The following PKHD1 variants were observed in gnomAD, a reference collection of about 807,000 sequenced individuals.
PKHD1 encodes PKHD1 ciliary IPT domain containing fibrocystin/polyductin.
Under a neutral mutation model 412.0 loss-of-function variants are expected in PKHD1, and 291 were observed. The observed-to-expected ratio is 0.71, with a 90% CI of 0.64 to 0.78. The LOEUF is 0.78. Among genes scored for constraint, PKHD1 ranks in the 30% least tolerant of loss-of-function variants. The pLI is 0.00. For synonymous variants in PKHD1, 1,777 were observed against 1,821.5 expected, an observed-to-expected ratio of 0.98 and a Z score of 0.62; for missense variants, 4,825 against 4,950.7, an observed-to-expected ratio of 0.97 and a Z score of 0.76.
chr6:52,022,979 A>G, intron 32 of PKHD1, 35 bp from the exon 33 acceptor site: 1 of 1,612,944 alleles, frequency 6.2e-7, no homozygotes, highest in Non-Finnish European at 8.5e-7. Context: ...TTGATCATAC[A>G]GGCAAATCTC....
rs1775349664 is a variant in PKHD1, at chr6:51,867,950, G to C, written c.7646C>G (p.Ser2549Cys). 6.2e-7 allele frequency: 1 copy of C among 1,613,244 alleles called. No homozygotes were observed. Among genetic ancestry groups the C allele is most frequent in the African/African-American group, 1.3e-5 (1 of 74,892 alleles). ...ACCAAAGCTTGAATTGACCAAACAA[G>C]AAGCTGAAAGGGTTTCCATAGAAGC... ...ILASMETLSA[S>C]CLVNSSFGRV... Residue 2549 changes from serine to cysteine, a missense_variant, in exon 48 of 67, where the codon TCT becomes TGT. Transcript: ENST00000371117.
At chr6:51,912,257 A>T in intron 38 of PKHD1, 109 bp downstream of exon 38, 1 of 794,498 alleles carries the variant, frequency 1.3e-6, no homozygotes, top group Non-Finnish European at 2.2e-6. Context: ...ACCATTATTT[A>T]AGCAGAAGAA....
At chr6:51,757,106 G>T (rs1056233991) in intron 55 of PKHD1, among the ~76,000 whole-genome samples, 5 of 152,176 alleles carry the variant, frequency 3.3e-5, no homozygotes, top group Non-Finnish European at 7.4e-5. Flanking sequence ...TGTGCGTCCT[G>T]GTTCCCGATA....
intron 11 of PKHD1, among the ~76,000 whole-genome samples, chr6:52,068,568 T>A: frequency 6.6e-6 from 1 of 152,242 alleles, no homozygotes; most frequent in East Asian, 1.9e-4. Context: ...TTTATCTGAG[T>A]CTGTTTCCTT....
intron 37 of PKHD1, among the ~76,000 whole-genome samples, chr6:51,916,280 A>G (rs1178543348): frequency 6.6e-6 from 1 of 152,204 alleles, no homozygotes; most frequent in Admixed American, 6.5e-5. Flanking sequence ...TGAGTATATA[A>G]TATTCAATAT....
chr6:51,903,406 T>C (rs1288733997), intron 43 of PKHD1, among the ~76,000 whole-genome samples, 191 bp downstream of exon 43: 1 of 152,166 alleles, frequency 6.6e-6, no homozygotes, highest in Non-Finnish European at 1.5e-5. Flanking sequence ...ATTATGAGAT[T>C]TGTTTTACAA....
intron 11 of PKHD1, among the ~76,000 whole-genome samples, chr6:52,067,833 G>C (rs1479090873): frequency 6.6e-6 from 1 of 152,128 alleles, no homozygotes; most frequent in Non-Finnish European, 1.5e-5. Flanking sequence ...TCCAGTAGGG[G>C]ATAGCAAGCC....
At chr6:51,784,850 T>G (rs1792612134) in intron 53 of PKHD1, among the ~76,000 whole-genome samples, 1 of 151,942 alleles carries the variant, frequency 6.6e-6, no homozygotes, top group Admixed American at 6.5e-5. Context: ...CAGGTCTAGC[T>G]TTTTCTTGTC....
In PKHD1 at chr6:51,659,673, G is replaced by T; in HGVS notation, c.10453C>A (p.Leu3485Ile). The change falls in exon 61 of 67, where the codon CTA (leucine) becomes ATA (isoleucine). Residue 3485 changes from leucine to isoleucine, a missense_variant. By Grantham distance (5) the Leu-to-Ile change is conservative (BLOSUM62 2). Coordinates refer to ENST00000371117, the MANE Select transcript of PKHD1 (RefSeq NM_138694.4). ...TTGGAGGTACTTTTGTTCCCCAATA[G>T]AAAAAAGCGCAAAACTTGAGGAGTT... Reference protein sequence around the residue: ...DQTPQVLRFFLLGNKSTSKLL... With the variant: ...DQTPQVLRFFILGNKSTSKLL... The T allele has an allele frequency of 6.2e-7, 1 of 1,613,776 alleles. No individual in the cohort carries two copies. The highest frequency in any genetic ancestry group is 8.5e-7 in the Non-Finnish European group (1 of 1,179,844).
chr6:51,814,734 A>T (rs1406071333), intron 52 of PKHD1, among the ~76,000 whole-genome samples: 1 of 152,162 alleles, frequency 6.6e-6, no homozygotes, highest in Admixed American at 6.5e-5. Context: ...AGGAGGGAGG[A>T]GGCAAGCTGT....
In PKHD1 at chr6:52,066,024, T is replaced by G. The variant is rs775757866; in HGVS notation, c.832A>C (p.Thr278Pro). Residue 278 changes from threonine (T) to proline (P), a missense_variant, in exon 12 of 67, where the codon ACA becomes CCA. Transcript: ENST00000371117. ...TGSLGGRTNITITGDFFDNSA... is the reference protein window; with the variant it reads ...TGSLGGRTNIPITGDFFDNSA... ...TTGTCAAAAAAGTCTCCTGTAATTG[T>G]GATGTTTGTTCTTCCCCCAAGGCTC... The G allele has an allele frequency of 6.2e-7, 1 of 1,605,148 alleles. No individual in the cohort carries two copies. Among genetic ancestry groups the G allele is most frequent in the South Asian group, 1.1e-5 (1 of 90,908 alleles).
chr6:52,026,060 T>G lies in PKHD1; in HGVS notation c.3750A>C (p.Glu1250Asp). The change falls in exon 32 of 67, where the codon GAA becomes GAC. Residue 1250 changes from glutamate (E) to aspartate (D), a missense_variant. Transcript: ENST00000371117. ...VNLTEASIWC[E>D]TLPAPQIPDA... ...CGGGTATCTGGGGGGCTGGCAGGGT[T>G]TCACACCAGATGCTCGCCTCCGTTA... is the stretch of plus-strand genomic sequence containing the variant. The G allele has an allele frequency of 1.9e-6, 3 of 1,613,928 alleles. No homozygotes were observed. The highest frequency in any genetic ancestry group is 2.5e-6 in the Non-Finnish European group (3 of 1,179,982).
At chr6:52,063,810 G>A (rs954702475) in intron 13 of PKHD1, among the ~76,000 whole-genome samples, 1 of 152,188 alleles carries the variant, frequency 6.6e-6, no homozygotes, top group Non-Finnish European at 1.5e-5. Flanking sequence ...AGAACAATTG[G>A]TTTCCATAGT....
chr6:51,672,834 G>A (rs1775220212), intron 60 of PKHD1, among the ~76,000 whole-genome samples: 1 of 152,186 alleles, frequency 6.6e-6, no homozygotes, highest in South Asian at 2.1e-4. Flanking sequence ...AACAATTTGA[G>A]TTGGAAAGAC....
chr6:51,999,919 A>G lies in PKHD1; in HGVS notation c.5751+10390T>C, dbSNP rs375168125. On this transcript the variant is annotated intron_variant, in intron 35 of 66. Coordinates refer to ENST00000371117, the MANE Select transcript of PKHD1 (RefSeq NM_138694.4). Reference sequence around the variant, plus strand: ...CACCACCACTAACACACCACACCACATATACCACTGAAACCCATTCAACTA... The same window carrying G: ...CACCACCACTAACACACCACACCACGTATACCACTGAAACCCATTCAACTA... 8.2e-4 allele frequency among the ~76,000 whole-genome samples: 125 copies of G among 152,234 alleles called. 1 individual carries two copies. Among genetic ancestry groups the G allele is most frequent in the African/African-American group, 2.8e-3 (116 of 41,542 alleles).
intron 60 of PKHD1, among the ~76,000 whole-genome samples, chr6:51,670,227 G>A (rs867326662): frequency 0.035 from 5,318 of 151,800 alleles, 117 homozygotes; most frequent in Non-Finnish European, 0.054. Context: ...GAATCTGGGT[G>A]CTCCTGTATT....
Position 51,775,931 on chromosome 6 carries a change from A to T in PKHD1, c.8441-10T>A. ...GGATTTTCTAAAGTACCTGTTTACA[A>T]AGAAAAGTATATCATTCAAATCAAT... On this transcript the variant is annotated splice_polypyrimidine_tract_variant and intron_variant, in intron 53 of 66. Transcript: ENST00000371117. The T allele has an allele frequency of 8.3e-7, 1 of 1,203,508 alleles. No homozygotes were observed. Among genetic ancestry groups the T allele is most frequent in the Non-Finnish European group, 1.2e-6 (1 of 807,558 alleles). The allele number at this position is 1,203,508 out of a possible 1,614,324, so 74.6% of individuals were successfully genotyped here.
At chr6:51,960,055 TTGGTTGGTTGGTTGGC>T (rs769823909) in intron 35 of PKHD1, 29 bp from the exon 36 acceptor site, 4 of 1,607,726 alleles carry the variant, frequency 2.5e-6, no homozygotes, top group Non-Finnish European at 3.4e-6. Context: ...GGTTGGTGGG[TTGGTTGGTTGGTTGGC>T]TGGTCTGTTG....
At chr6:51,992,719 TGGCA>T (rs1308985673) in intron 35 of PKHD1, among the ~76,000 whole-genome samples, 4 of 152,246 alleles carry the variant, frequency 2.6e-5, no homozygotes, top group Non-Finnish European at 1.5e-5. Context: ...TCATGCCACA[TGGCA>T]GAGCAAGGCT....
Sources: gnomAD v4.1 joint callset for allele counts (sites outside exome capture counted in the v4.1 genomes callset) on GRCh38, gnomAD v4.1.1 for gene constraint, MANE v1.5 for transcripts, NCBI Gene and HGNC (gene_info 2026-07-23, HGNC 2026-07-21) for gene names.